The following PCLO variants were observed in gnomAD, a reference collection of about 807,000 sequenced individuals.
The protein encoded by PCLO is protein piccolo.
PCLO carries 82 observed loss-of-function variants against 427.5 expected under a neutral mutation model. The observed-to-expected ratio is 0.19, with a 90% CI of 0.16 to 0.23. The LOEUF (loss-of-function observed/expected upper bound fraction) is 0.23, where lower values mean the gene tolerates loss of function less well. PCLO is among the 10% of genes least tolerant of loss of function. The probability of loss-of-function intolerance (pLI) is 1.00; values close to 1 mark genes in which losing one functional copy is unlikely to be tolerated. For missense variants in PCLO, 6,239 were observed against 6,115.9 expected (o/e 1.02, Z -0.67); for synonymous variants, 2,357 against 2,155.4 (o/e 1.09, Z -2.59).
In PCLO at chr7:82,953,361, G is replaced by T; in HGVS notation, c.7592C>A (p.Pro2531His). The T allele has an allele frequency of 1.2e-6, 2 of 1,613,768 alleles. No homozygotes were observed. Among genetic ancestry groups the T allele is most frequent in the Non-Finnish European group, 1.7e-6 (2 of 1,179,852 alleles). The change falls in exon 5 of 25, where the codon CCC becomes CAC. Residue 2531 changes from proline to histidine, a missense_variant. Pro to His is a moderately conservative substitution (Grantham distance 77). Around this residue, in one of 5 missense-constraint regions of PCLO, gnomAD observed 4,677 missense variants for 4,468.4 expected, o/e 1.05. Coordinates refer to ENST00000333891, the MANE Select transcript of PCLO (RefSeq NM_033026.6). The stretch of plus-strand genomic sequence containing the variant: ...AGTTAAAGATAGGCCTGTTGGTTTG[G>T]GGTGTATATCTGTTGGTTTTTGTGT... The part of the protein sequence containing the change: ...TTTQKPTDIH[P>H]KPTGLSLTSS...
intron 3 of PCLO, among the ~76,000 whole-genome samples, chr7:83,034,827 C>A (rs936262860): frequency 6.6e-6 from 1 of 152,132 alleles, no homozygotes; most frequent in Non-Finnish European, 1.5e-5. Context: ...ATTCTATTTG[C>A]AACAGAGAAA....
At chr7:82,933,978 A>T (rs1171479784) in intron 6 of PCLO, among the ~76,000 whole-genome samples, 1 of 151,514 alleles carries the variant, frequency 6.6e-6, no homozygotes, top group Non-Finnish European at 1.5e-5. Flanking sequence ...CTCTGAAATC[A>T]TTACATATGT....
In PCLO at chr7:82,904,228, C is replaced by T. The variant is rs145455430; in HGVS notation, c.13438-1487G>A. Among the ~76,000 whole-genome samples, 258 of 151,770 alleles carry T rather than the reference C, an allele frequency of 1.7e-3. 1 individual carries two copies. The highest frequency in any genetic ancestry group is 6.0e-3 in the African/African-American group (250 of 41,436). ...ATTTGTAACAAGTGCTTACATTTTT[C>T]TTCTTTTTCCCTCTCTTCCCTGCTG... is the stretch of plus-strand genomic sequence containing the variant. On this transcript the variant is annotated intron_variant, in intron 8 of 24. Transcript: ENST00000333891.
At chr7:83,004,981 T>A (rs1256571156) in intron 3 of PCLO, among the ~76,000 whole-genome samples, 1 of 151,570 alleles carries the variant, frequency 6.6e-6, no homozygotes, top group Non-Finnish European at 1.5e-5. Context: ...ATATATCACC[T>A]TACACCTGTT....
intron 3 of PCLO, among the ~76,000 whole-genome samples, chr7:82,971,650 G>A (rs1013043649): frequency 7.5e-5 from 11 of 146,982 alleles, no homozygotes; most frequent in African/African-American, 2.7e-4. Context: ...TCATTTTAAG[G>A]TGCTGTTTGC....
chr7:82,924,854 T>C (rs1794677191), intron 6 of PCLO, among the ~76,000 whole-genome samples: 1 of 152,030 alleles, frequency 6.6e-6, no homozygotes, highest in Non-Finnish European at 1.5e-5. Context: ...TAAAAAAAGT[T>C]AAAAAATAGA....
At chr7:83,161,610 T>C (rs1478310787) in intron 1 of PCLO, among the ~76,000 whole-genome samples, 1 of 152,238 alleles carries the variant, frequency 6.6e-6, no homozygotes, top group Non-Finnish European at 1.5e-5. Flanking sequence ...AAAGTATGTA[T>C]TGAAAATTAT....
At chr7:83,123,853 A>G (rs186244936) in intron 3 of PCLO, among the ~76,000 whole-genome samples, 51 of 148,864 alleles carry the variant, frequency 3.4e-4, no homozygotes, top group African/African-American at 1.1e-3. Context: ...GCACTTTTGG[A>G]GTCCGAGGCC....
In PCLO at chr7:82,966,167, A is replaced by G; in HGVS notation, c.3621T>C (p.Ala1207=). 13 of 1,609,166 alleles carry G rather than the reference A, an allele frequency of 8.1e-6. No homozygotes were observed. Among genetic ancestry groups the G allele is most frequent in the Non-Finnish European group, 1.0e-5 (12 of 1,178,838 alleles). Residue 1207 remains alanine (A), a synonymous_variant, in exon 4 of 25, where the codon GCT becomes GCC. Transcript: ENST00000333891. ...ESKLEKDKAS[A]LQEKKPLPEE... ...CAGGGAGTGGCTTTTTTTCTTGAAG[A>G]GCTGAAGCTTTGTCTTTCTCTAGTT...
chr7:83,152,107 A>G (rs552402424), intron 2 of PCLO, among the ~76,000 whole-genome samples: 300 of 151,894 alleles, frequency 2.0e-3, no homozygotes, highest in Middle Eastern at 3.4e-3. Context: ...TGGGACTACA[A>G]GCGCCCGCCA....
At chr7:82,783,415 C>T (rs1335367894) in intron 22 of PCLO, among the ~76,000 whole-genome samples, 1 of 152,050 alleles carries the variant, frequency 6.6e-6, no homozygotes, top group Admixed American at 6.6e-5. Context: ...GAGATCGAGA[C>T]CATCCCGGCT....
At chr7:83,009,740 T>G in intron 3 of PCLO, among the ~76,000 whole-genome samples, 1 of 152,016 alleles carries the variant, frequency 6.6e-6, no homozygotes. Flanking sequence ...AAAATTTATA[T>G]AAGAGTTTCT....
Position 82,954,176 on chromosome 7 carries a change from A to G in PCLO, c.6777T>C (p.Ala2259=), listed in dbSNP as rs1413116943. 1.2e-6 allele frequency: 2 copies of G among 1,613,712 alleles called. No individual in the cohort carries two copies. Residue 2259 remains alanine (A), a synonymous_variant, in exon 5 of 25, where the codon GCT becomes GCC. Coordinates refer to ENST00000333891, the MANE Select transcript of PCLO (RefSeq NM_033026.6). ...RTAPPDGRAS[A]DHIVISLSDM... ...CAGATAAGGAAATAACAATATGATCAGCACTAGCTCTACCATCTGGTGGGG... is the reference window on the plus strand; with the variant it reads ...CAGATAAGGAAATAACAATATGATCGGCACTAGCTCTACCATCTGGTGGGG...
chr7:83,055,710 T>A (rs2116285922), intron 3 of PCLO, among the ~76,000 whole-genome samples: 1 of 152,288 alleles, frequency 6.6e-6, no homozygotes, highest in South Asian at 2.1e-4. Context: ...TTAAAAAACA[T>A]GTGGGAGTCA....
At chr7:83,101,523 ATAAAC>A (rs1261151556) in intron 3 of PCLO, among the ~76,000 whole-genome samples, 6 of 152,160 alleles carry the variant, frequency 3.9e-5, no homozygotes, top group Non-Finnish European at 8.8e-5. Context: ...ATCATAGAAA[ATAAAC>A]TAAGTATTTT....
chr7:82,846,145 TA>T (rs1289240637), intron 12 of PCLO, among the ~76,000 whole-genome samples: 4 of 152,228 alleles, frequency 2.6e-5, no homozygotes, highest in African/African-American at 9.6e-5. Flanking sequence ...TTGTTTACTA[TA>T]AAAAGGCAAT....
At chr7:83,050,236 A>AAAAAAAAAAAAAAAAAAAAAAAAAAAG (rs1789210868) in intron 3 of PCLO, among the ~76,000 whole-genome samples, 1 of 95,354 alleles carries the variant, frequency 1.0e-5, no homozygotes, top group Non-Finnish European at 2.0e-5. Flanking sequence ...AAAAAAAAAA[A>AAAAAAAAAAAAAAAAAAAAAAAAAAAG]ACACAAGCAA....
At chr7:83,094,210 C>CTTTTTTTTTTTTTTT (rs767490139) in intron 3 of PCLO, among the ~76,000 whole-genome samples, 1 of 126,020 alleles carries the variant, frequency 7.9e-6, no homozygotes, top group Non-Finnish European at 1.6e-5. Flanking sequence ...ATTTTTTTTT[C>CTTTTTTTTTTTTTTT]TTTTTTTTTT....
intron 3 of PCLO, among the ~76,000 whole-genome samples, chr7:83,024,876 C>G (rs1368845719): frequency 1.3e-5 from 2 of 151,824 alleles, no homozygotes; most frequent in Non-Finnish European, 2.9e-5. Context: ...GGTACTCCAA[C>G]ACCTGCAGCT....
Sources: allele counts gnomAD v4.1 joint callset (sites outside exome capture counted in the v4.1 genomes callset), GRCh38; gene constraint gnomAD v4.1.1; regional missense constraint gnomAD v4.1.1; transcripts MANE v1.5; gene names NCBI Gene and HGNC (gene_info 2026-07-23, HGNC 2026-07-21).